The following RAPGEF2 variants were observed in gnomAD, a reference collection of about 807,000 sequenced individuals.
The protein encoded by RAPGEF2 is PDZ domain containing guanine nucleotide exchange factor (GEF) 1.
In RAPGEF2, 54 loss-of-function variants were observed where a neutral mutation model predicts 186.7. The ratio of observed to expected loss-of-function variants is 0.29; its 90% CI spans 0.23 to 0.36. The LOEUF (loss-of-function observed/expected upper bound fraction) is 0.36. RAPGEF2 is among the 10% of genes least tolerant of loss of function. RAPGEF2 has a pLI of 1.00. For synonymous variants in RAPGEF2, 712 were observed against 705.9 expected (o/e 1.01, Z -0.14); for missense variants, 1,532 against 2,045.0 (o/e 0.75, Z 4.84).
chr4:159,257,148 G>A (rs764037892), intron 7 of RAPGEF2, among the ~76,000 whole-genome samples: 10 of 152,118 alleles, frequency 6.6e-5, no homozygotes, highest in Non-Finnish European at 1.2e-4. Flanking sequence ...CCTGTGTCCT[G>A]AATGGCATTG....
At chr4:159,185,077 A>G (rs1211050799) in intron 1 of RAPGEF2, among the ~76,000 whole-genome samples, 1 of 152,212 alleles carries the variant, frequency 6.6e-6, no homozygotes, top group Non-Finnish European at 1.5e-5. Flanking sequence ...GCACATGAAA[A>G]GACGCTCAAC....
intron 1 of RAPGEF2, among the ~76,000 whole-genome samples, chr4:159,178,638 A>G (rs1490463568): frequency 1.4e-5 from 2 of 140,384 alleles, no homozygotes; most frequent in African/African-American, 5.5e-5. Context: ...GCTCACTGCA[A>G]CCTCCACCTC....
intron 1 of RAPGEF2, among the ~76,000 whole-genome samples, chr4:159,178,918 A>T (rs1746741276): frequency 6.6e-6 from 1 of 152,172 alleles, no homozygotes; most frequent in African/African-American, 2.4e-5. Flanking sequence ...GGTTGTGAAC[A>T]ATCACCCCCC....
Position 159,194,196 on chromosome 4 carries a change from C to T in RAPGEF2, c.197+940C>T, listed in dbSNP as rs189292723. Among the ~76,000 whole-genome samples, 326 of 152,246 alleles carry T rather than the reference C, an allele frequency of 2.1e-3. 2 individuals are homozygous for T. Among genetic ancestry groups the T allele is most frequent in the African/African-American group, 7.2e-3 (301 of 41,534 alleles). Reference sequence around the variant, plus strand: ...TATGTGCTGGGACGCAGAGAGGTGACGGGGCCTGGCCTGATGTTTTGAACA... The same window carrying T: ...TATGTGCTGGGACGCAGAGAGGTGATGGGGCCTGGCCTGATGTTTTGAACA... On this transcript the variant is annotated intron_variant, in intron 3 of 29. Coordinates refer to ENST00000691494, the MANE Select transcript of RAPGEF2 (RefSeq NM_001394067.2).
intron 1 of RAPGEF2, among the ~76,000 whole-genome samples, chr4:159,186,405 A>C (rs10024227): frequency 0.052 from 7,951 of 152,140 alleles, 702 homozygotes; most frequent in African/African-American, 0.18. Flanking sequence ...TATTTTTATA[A>C]GTTAATCATT....
intron 7 of RAPGEF2, among the ~76,000 whole-genome samples, chr4:159,274,682 A>C (rs1294035854): frequency 6.6e-6 from 1 of 152,186 alleles, no homozygotes. Context: ...ATATAGTATT[A>C]AGATGCCAGT....
At chr4:159,341,480 C>T (rs1729466130) in intron 19 of RAPGEF2, 84 bp from the exon 20 acceptor site, 10 of 1,389,580 alleles carry the variant, frequency 7.2e-6, no homozygotes, top group Non-Finnish European at 9.7e-6. Context: ...TCAAACTTTC[C>T]ATAAAAAGTA....
At position 159,210,641 on chromosome 4, in the gene RAPGEF2, A is replaced by T. The variant is rs1345729216; in HGVS notation, c.281+58A>T. The T allele has an allele frequency of 7.6e-6, 10 of 1,321,760 alleles. No individual in the cohort carries two copies. In the East Asian group the frequency reaches 2.0e-4, roughly 27 times the overall value. 81.9% of individuals were successfully genotyped at this position (1,321,760 alleles called of 1,614,324 possible). A position where few individuals can be genotyped will look rare whatever the true frequency, so the allele number is the denominator to read the frequency against. On this transcript the variant is annotated intron_variant, in intron 4 of 29. Transcript: ENST00000691494. The stretch of plus-strand genomic sequence containing the variant: ...ATGAAGCTTGAAATTCTTTTGCAGA[A>T]TTCAGTTCTAAAATTCTTTTCTCTT...
At chr4:159,158,435 C>T (rs1030933493) in intron 1 of RAPGEF2, among the ~76,000 whole-genome samples, 17 of 152,194 alleles carry the variant, frequency 1.1e-4, no homozygotes, top group African/African-American at 4.1e-4. Flanking sequence ...AGTCTCCCAA[C>T]AGGCAGTACC....
rs1135004 is a variant in RAPGEF2 at position 159,356,124 on chromosome 4, C to T, written c.4923C>T (p.Pro1641=). The T allele has an allele frequency of 0.54, 877,690 of 1,613,652 alleles. 249,537 individuals are homozygous for T. Among genetic ancestry groups the T allele is most frequent in the Non-Finnish European group, 0.59 (701,441 of 1,179,786 alleles). The change falls in exon 29 of 30, where the codon CCC becomes CCT. Residue 1641 remains proline, a synonymous_variant. Transcript: ENST00000691494. Reference sequence around the variant, plus strand: ...ACGAGTCTGACCCGCGCCTCGCCCCCTATCAGTCCCAAGGGTTTTCCACCG... The same window carrying T: ...ACGAGTCTGACCCGCGCCTCGCCCCTTATCAGTCCCAAGGGTTTTCCACCG... ...KPNESDPRLA[P]YQSQGFSTEE...
At chr4:159,186,942 G>C (rs1419628888) in intron 2 of RAPGEF2, among the ~76,000 whole-genome samples, 1 of 152,058 alleles carries the variant, frequency 6.6e-6, no homozygotes, top group East Asian at 1.9e-4. Flanking sequence ...TATAGCATTT[G>C]AAATCCACTC....
At chr4:159,242,401 A>T (rs1754125359) in intron 6 of RAPGEF2, among the ~76,000 whole-genome samples, 2 of 151,994 alleles carry the variant, frequency 1.3e-5, no homozygotes, top group Non-Finnish European at 2.9e-5. Context: ...TGCATGGGAA[A>T]AATGTACACA....
intron 4 of RAPGEF2, among the ~76,000 whole-genome samples, chr4:159,234,597 C>T (rs1284221396): frequency 6.9e-6 from 1 of 145,476 alleles, no homozygotes; most frequent in Non-Finnish European, 1.5e-5. Flanking sequence ...GCTCTGTCGC[C>T]CAGGCTGGAA....
At chr4:159,119,590 T>A (rs1334708291) in intron 1 of RAPGEF2, among the ~76,000 whole-genome samples, 2 of 152,210 alleles carry the variant, frequency 1.3e-5, no homozygotes, top group Non-Finnish European at 2.9e-5. Context: ...TCTTATTGAA[T>A]TATAGAGTTA....
chr4:159,161,393 G>A (rs1165966707), intron 1 of RAPGEF2, among the ~76,000 whole-genome samples: 2 of 152,096 alleles, frequency 1.3e-5, no homozygotes, highest in African/African-American at 2.4e-5. Flanking sequence ...TTCTTTTTGC[G>A]AAGTGTTACT....
intron 1 of RAPGEF2, among the ~76,000 whole-genome samples, chr4:159,121,477 C>T (rs1739675480): frequency 1.3e-5 from 2 of 152,010 alleles, no homozygotes; most frequent in South Asian, 2.1e-4. Context: ...AGCTCTCCTC[C>T]CACCTCAGCC....
At chr4:159,177,169 C>T (rs1020492850) in intron 1 of RAPGEF2, among the ~76,000 whole-genome samples, 3 of 149,966 alleles carry the variant, frequency 2.0e-5, no homozygotes, top group Non-Finnish European at 4.4e-5. Flanking sequence ...ATTTATAAAA[C>T]AGACAATTTA....
chr4:159,301,242 G>A (rs990030999), intron 7 of RAPGEF2, among the ~76,000 whole-genome samples: 4 of 152,078 alleles, frequency 2.6e-5, no homozygotes, highest in Non-Finnish European at 4.4e-5. Context: ...GGTCGTGGGC[G>A]CCTGTAATCC....
intron 4 of RAPGEF2, among the ~76,000 whole-genome samples, chr4:159,230,190 T>G (rs970765396): frequency 6.6e-6 from 1 of 152,164 alleles, no homozygotes; most frequent in Non-Finnish European, 1.5e-5. Flanking sequence ...CACCACCACC[T>G]TTTCCTACTT....
Sources: gnomAD v4.1 joint callset for allele counts (sites outside exome capture counted in the v4.1 genomes callset) on GRCh38, gnomAD v4.1.1 for gene constraint, MANE v1.5 for transcripts, NCBI Gene and HGNC (gene_info 2026-07-23, HGNC 2026-07-21) for gene names.